NELL1: variants seen among roughly 807,000 people sequenced by gnomAD.
NELL1 encodes neural EGFL like 1.
A neutral mutation model predicts 107.4 loss-of-function variants in NELL1; 76 were observed. The ratio of observed to expected loss-of-function variants is 0.71; its 90% CI spans 0.59 to 0.86. NELL1 has a LOEUF of 0.86. Among genes scored for constraint, NELL1 ranks in the 40% least tolerant of loss-of-function variants. NELL1 has a pLI of 0.00. For synonymous variants in NELL1, 353 were observed against 341.2 expected, an observed-to-expected ratio of 1.03 and a Z score of -0.38; for missense variants, 1,024 against 1,005.5, an observed-to-expected ratio of 1.02 and a Z score of -0.25.
intron 4 of NELL1, among the ~76,000 whole-genome samples, chr11:20,857,871 T>C (rs1185387333): frequency 1.3e-5 from 2 of 152,156 alleles, no homozygotes; most frequent in African/African-American, 4.8e-5. Flanking sequence ...TAGCGGTGCA[T>C]GGAGCACTGA....
chr11:20,835,379 A>G (rs1302562000), intron 3 of NELL1, among the ~76,000 whole-genome samples: 1 of 152,164 alleles, frequency 6.6e-6, no homozygotes. Flanking sequence ...ATGATTTTCA[A>G]TCTTGCTTTC....
intron 2 of NELL1, among the ~76,000 whole-genome samples, chr11:20,702,300 G>T (rs1246663677): frequency 1.3e-5 from 2 of 152,010 alleles, no homozygotes; most frequent in East Asian, 3.9e-4. Context: ...TCATGATTTG[G>T]CTCTCTGTTT....
rs151205841 is a variant in NELL1 at position 21,556,341 on chromosome 11, A to G, written c.1787-3848A>G. Among the ~76,000 whole-genome samples, 42 of 152,142 alleles carry G rather than the reference A, an allele frequency of 2.8e-4. 2 individuals are homozygous for G. The highest frequency in any genetic ancestry group is 3.4e-3 in the Middle Eastern group (1 of 294). Reference sequence around the variant, plus strand: ...TCAAAGTTATTCAAGAAAGAGGAATATGGGGTAATGAAAAAGTTCACTGCT... The same window carrying G: ...TCAAAGTTATTCAAGAAAGAGGAATGTGGGGTAATGAAAAAGTTCACTGCT... On this transcript the variant is annotated intron_variant, in intron 16 of 19. Coordinates refer to ENST00000357134, the MANE Select transcript of NELL1 (RefSeq NM_006157.5).
intron 16 of NELL1, among the ~76,000 whole-genome samples, chr11:21,547,046 G>C (rs1183265626): frequency 1.3e-5 from 2 of 151,948 alleles, no homozygotes; most frequent in Non-Finnish European, 2.9e-5. Flanking sequence ...AGTGGGGACA[G>C]TGGAAGTGGA....
In NELL1 at chr11:20,960,528, T is replaced by G; in HGVS notation, c.1268T>G (p.Ile423Ser). 6.2e-7 allele frequency: 1 copy of G among 1,613,998 alleles called. No individual in the cohort carries two copies. The highest frequency in any genetic ancestry group is 8.5e-7 in the Non-Finnish European group (1 of 1,179,882). The change falls in exon 12 of 20, where the codon ATC becomes AGC. Residue 423 changes from isoleucine to serine, a missense_variant. Ile to Ser is a moderately radical substitution (Grantham distance 142). Transcript: ENST00000357134. ...ACTTGTGAGTGCAAGAGTGGTTACA[T>G]CTCTGTCCAGGGAGACTCTGCCTAC... ...KATCECKSGYISVQGDSAYCE... is the reference protein window; with the variant it reads ...KATCECKSGYSSVQGDSAYCE...
intron 2 of NELL1, among the ~76,000 whole-genome samples, chr11:20,722,724 A>T (rs1465405937): frequency 6.6e-6 from 1 of 152,176 alleles, no homozygotes; most frequent in African/African-American, 2.4e-5. Flanking sequence ...AAAGCAGAGA[A>T]GGAGGGAGAA....
At chr11:21,516,502 A>G (rs1470198078) in intron 15 of NELL1, among the ~76,000 whole-genome samples, 1 of 152,136 alleles carries the variant, frequency 6.6e-6, no homozygotes, top group Admixed American at 6.6e-5. Flanking sequence ...GTACACTTAC[A>G]CAAATCTAGA....
At chr11:21,290,505 C>T (rs1452034718) in intron 14 of NELL1, among the ~76,000 whole-genome samples, 1 of 152,236 alleles carries the variant, frequency 6.6e-6, no homozygotes, top group African/African-American at 2.4e-5. Context: ...AAGGGACAGA[C>T]TGCCTCCTCA....
intron 14 of NELL1, among the ~76,000 whole-genome samples, chr11:21,335,101 C>T (rs1481900284): frequency 6.6e-6 from 1 of 151,984 alleles, no homozygotes; most frequent in Non-Finnish European, 1.5e-5. Context: ...ACTTATTACC[C>T]TTTAAAACTC....
Position 21,199,695 on chromosome 11 carries a change from C to A in NELL1, c.1427-29637C>A, listed in dbSNP as rs560308630. Reference sequence around the variant, plus strand: ...CAAGTGTTGGGGTACATGTGCAGAACGTGCAGGTTTGTTACATAGGTATAC... The same window carrying A: ...CAAGTGTTGGGGTACATGTGCAGAAAGTGCAGGTTTGTTACATAGGTATAC... On this transcript the variant is annotated intron_variant, in intron 13 of 19. Transcript: ENST00000357134. Among the ~76,000 whole-genome samples the A allele has an allele frequency of 2.6e-5, 4 of 152,066 alleles. No homozygotes were observed. The South Asian group carries it at 8.3e-4, about 32-fold the overall frequency.
At chr11:21,007,373 A>G (rs1033520870) in intron 12 of NELL1, among the ~76,000 whole-genome samples, 2 of 148,036 alleles carry the variant, frequency 1.4e-5, no homozygotes, top group Middle Eastern at 3.5e-3. Context: ...GTGTATGTGT[A>G]TGTACACACA....
intron 12 of NELL1, among the ~76,000 whole-genome samples, chr11:21,027,826 G>A (rs1268030061): frequency 6.6e-6 from 1 of 152,106 alleles, no homozygotes; most frequent in African/African-American, 2.4e-5. Flanking sequence ...GTTCATTGTT[G>A]AACAAAAATG....
chr11:20,705,906 C>T (rs183996379), intron 2 of NELL1, among the ~76,000 whole-genome samples: 2 of 152,210 alleles, frequency 1.3e-5, no homozygotes, highest in East Asian at 1.9e-4. Flanking sequence ...CCAAAAGACA[C>T]GTGAAAAAAT....
chr11:21,328,377 A>G (rs183111174), intron 14 of NELL1, among the ~76,000 whole-genome samples: 8 of 152,282 alleles, frequency 5.3e-5, no homozygotes, highest in Non-Finnish European at 8.8e-5. Flanking sequence ...CACAGAAGTC[A>G]AGAATTGAGG....
chr11:21,332,011 C>G lies in NELL1; in HGVS notation c.1550-38842C>G, dbSNP rs540157425. Among the ~76,000 whole-genome samples, 17 of 151,952 alleles carry G rather than the reference C, an allele frequency of 1.1e-4. No individual in the cohort carries two copies. In the East Asian group the frequency reaches 2.3e-3, roughly 21 times the overall value. ...TTGGTTCGTGTCAGTCTAATATAGA[C>G]TTTACCCTAGGGCTCAGTTAGTTCT... On this transcript the variant is annotated intron_variant, in intron 14 of 19. Coordinates refer to ENST00000357134, the MANE Select transcript of NELL1 (RefSeq NM_006157.5).
intron 13 of NELL1, among the ~76,000 whole-genome samples, chr11:21,174,144 C>G (rs1257981342): frequency 6.6e-6 from 1 of 151,688 alleles, no homozygotes; most frequent in African/African-American, 2.4e-5. Context: ...ACCTTCACCA[C>G]TGTGTAGAGT....
chr11:21,367,424 A>T (rs1011623855), intron 14 of NELL1, among the ~76,000 whole-genome samples: 2 of 139,350 alleles, frequency 1.4e-5, no homozygotes, highest in Admixed American at 1.6e-4. Context: ...TCTAAGTTGC[A>T]TTGCAAACCA....
rs147781012 is a variant in NELL1, at chr11:21,135,768, A to T, written c.1426+22054A>T. ...ACAACATAGTAGTTGCTCAATAAAT[A>T]TTAGATCATTTTTCTCTCTCATGTA... On this transcript the variant is annotated intron_variant, in intron 13 of 19. Coordinates refer to ENST00000357134, the MANE Select transcript of NELL1 (RefSeq NM_006157.5). Among the ~76,000 whole-genome samples, 341 of 152,326 alleles carry T rather than the reference A, an allele frequency of 2.2e-3. 2 individuals carry two copies. The highest frequency in any genetic ancestry group is 7.7e-3 in the African/African-American group (319 of 41,586).
Position 20,693,719 on chromosome 11 carries a change from T to A in NELL1, c.184+15659T>A, listed in dbSNP as rs540225051. Among the ~76,000 whole-genome samples the A allele has an allele frequency of 3.7e-3, 567 of 152,136 alleles. 3 individuals are homozygous for A. Among genetic ancestry groups the A allele is most frequent in the African/African-American group, 0.013 (533 of 41,532 alleles). On this transcript the variant is annotated intron_variant, in intron 2 of 19. Transcript: ENST00000357134. ...CCTTTCTCTCTGGCTGCCCTTAACA[T>A]TTTTTCCTTCATTTCAACTTTGGTG...
Sources: gnomAD v4.1 joint callset for allele counts (sites outside exome capture counted in the v4.1 genomes callset) on GRCh38, gnomAD v4.1.1 for gene constraint, MANE v1.5 for transcripts, NCBI Gene and HGNC (gene_info 2026-07-23, HGNC 2026-07-21) for gene names.